DACH1: variants seen among roughly 807,000 people sequenced by gnomAD.
DACH1 encodes the protein dachshund homolog 1.
Under a neutral mutation model 54.2 loss-of-function variants are expected in DACH1, and 12 were observed. The observed-to-expected ratio is 0.22, with a 90% CI of 0.14 to 0.36. The LOEUF is 0.36. Ranked by LOEUF, DACH1 falls within the 10% of genes least tolerant of loss-of-function variation. The pLI, the probability that DACH1 is intolerant of heterozygous loss-of-function variation, is 1.00. For missense variants in DACH1, 805 were observed against 929.8 expected, an observed-to-expected ratio of 0.87 and a Z score of 1.75; for synonymous variants, 386 against 366.2, an observed-to-expected ratio of 1.05 and a Z score of -0.62.
chr13:71,746,190 C>A (rs1355895641), intron 1 of DACH1, among the ~76,000 whole-genome samples: 1 of 152,170 alleles, frequency 6.6e-6, no homozygotes, highest in East Asian at 1.9e-4. Context: ...TGCACTCCAG[C>A]CTGATGACAG....
chr13:71,544,278 G>A (rs1883325208), intron 6 of DACH1, among the ~76,000 whole-genome samples: 1 of 151,974 alleles, frequency 6.6e-6, no homozygotes, highest in African/African-American at 2.4e-5. Flanking sequence ...TGAGACACAT[G>A]ACTACTTTGA....
chr13:71,615,731 C>T (rs1227823417), intron 3 of DACH1, among the ~76,000 whole-genome samples: 2 of 151,996 alleles, frequency 1.3e-5, no homozygotes, highest in Non-Finnish European at 2.9e-5. Context: ...ATGTTGAGGG[C>T]ATGTAGAGGA....
At chr13:71,788,589 C>G (rs1886703900) in intron 1 of DACH1, among the ~76,000 whole-genome samples, 1 of 152,096 alleles carries the variant, frequency 6.6e-6, no homozygotes, top group Admixed American at 6.6e-5. Context: ...CACATACCCC[C>G]CCACACACAC....
intron 3 of DACH1, among the ~76,000 whole-genome samples, chr13:71,623,977 G>A (rs769971899): frequency 6.6e-6 from 1 of 151,828 alleles, no homozygotes; most frequent in Non-Finnish European, 1.5e-5. Flanking sequence ...ATTCAAAGCT[G>A]TTGAAAGTGA....
chr13:71,864,820 G>T (rs930912949), intron 1 of DACH1, among the ~76,000 whole-genome samples: 1 of 150,332 alleles, frequency 6.7e-6, no homozygotes, highest in Non-Finnish European at 1.5e-5. Flanking sequence ...GACCGGTCCC[G>T]CCGCCTCCTC....
intron 10 of DACH1, among the ~76,000 whole-genome samples, chr13:71,456,016 T>C (rs1454423949): frequency 6.6e-6 from 1 of 152,094 alleles, no homozygotes; most frequent in African/African-American, 2.4e-5. Context: ...AAATGTCCTA[T>C]TACAAAAAAC....
intron 1 of DACH1, among the ~76,000 whole-genome samples, chr13:71,798,182 C>T (rs1887135739): frequency 6.6e-6 from 1 of 151,686 alleles, no homozygotes; most frequent in Admixed American, 6.6e-5. Flanking sequence ...AATGTCACCT[C>T]TCCAAACACC....
intron 1 of DACH1, among the ~76,000 whole-genome samples, chr13:71,763,452 A>G (rs1388503224): frequency 6.6e-6 from 1 of 152,192 alleles, no homozygotes; most frequent in Non-Finnish European, 1.5e-5. Context: ...CTTAAAATAT[A>G]AAAGCTAAGA....
chr13:71,801,950 G>A (rs962008655), intron 1 of DACH1, among the ~76,000 whole-genome samples: 4 of 152,034 alleles, frequency 2.6e-5, no homozygotes, highest in Non-Finnish European at 1.5e-5. Flanking sequence ...AATTAAAGCT[G>A]AATTCAATTT....
rs201540658 is a variant in DACH1, at chr13:71,629,982, CT to C, written c.1126+573del. Among the ~76,000 whole-genome samples, 1,340 of 152,118 alleles carry C rather than the reference CT, an allele frequency of 8.8e-3. 9 individuals are homozygous for C. The highest frequency in any genetic ancestry group is 0.014 in the Non-Finnish European group (981 of 67,964). On this transcript the variant is annotated intron_variant, in intron 3 of 10. Transcript: ENST00000613252. ...CTTTTGGTTTGACAGTGACAGTTAA[CT>C]TTTCATCTTTCTCCATATGGTAGGA... is the stretch of plus-strand genomic sequence containing the variant.
Position 71,775,369 on chromosome 13 carries a change from C to T in DACH1, c.848+90553G>A, listed in dbSNP as rs565275866. Among the ~76,000 whole-genome samples, 7 of 151,744 alleles carry T rather than the reference C, an allele frequency of 4.6e-5. No individual in the cohort carries two copies. In the South Asian group the frequency reaches 1.2e-3, roughly 27 times the overall value. On this transcript the variant is annotated intron_variant, in intron 1 of 10. Coordinates refer to ENST00000613252, the MANE Select transcript of DACH1 (RefSeq NM_080759.6). ...CAGACAGATAACAGTTATTCTGGTG[C>T]CATGGCCATATAGACAAACCAGGTA...
At chr13:71,513,308 T>C (rs1314609436) in intron 6 of DACH1, among the ~76,000 whole-genome samples, 1 of 151,966 alleles carries the variant, frequency 6.6e-6, no homozygotes. Context: ...AGCTGAATTA[T>C]CATAAATTCC....
intron 1 of DACH1, among the ~76,000 whole-genome samples, chr13:71,777,372 A>G (rs781125531): frequency 6.6e-6 from 1 of 152,178 alleles, no homozygotes; most frequent in Non-Finnish European, 1.5e-5. Flanking sequence ...TTAAATGGGA[A>G]TAATGACATC....
intron 10 of DACH1, among the ~76,000 whole-genome samples, chr13:71,458,601 C>T (rs567896608): frequency 6.6e-6 from 1 of 151,838 alleles, no homozygotes; most frequent in Non-Finnish European, 1.5e-5. Context: ...TGAGATCTTA[C>T]AGCCAACAAA....
chr13:71,547,164 G>GA (rs996497440), intron 6 of DACH1, among the ~76,000 whole-genome samples: 80 of 152,152 alleles, frequency 5.3e-4, no homozygotes, highest in African/African-American at 1.9e-3. Flanking sequence ...ACAACTCTGG[G>GA]AGCTGGAAGA....
intron 1 of DACH1, among the ~76,000 whole-genome samples, chr13:71,785,043 CAG>C (rs1377688554): frequency 6.6e-6 from 1 of 152,072 alleles, no homozygotes; most frequent in Non-Finnish European, 1.5e-5. Context: ...AATATGCTAA[CAG>C]AGTCCTTTGA....
At chr13:71,751,599 T>C (rs1884930277) in intron 1 of DACH1, among the ~76,000 whole-genome samples, 1 of 152,208 alleles carries the variant, frequency 6.6e-6, no homozygotes, top group South Asian at 2.1e-4. Context: ...CATGTCCTGA[T>C]GTAAGATGTA....
chr13:71,559,226 T>G (rs1454020210), intron 5 of DACH1, among the ~76,000 whole-genome samples: 2 of 152,138 alleles, frequency 1.3e-5, no homozygotes, highest in Non-Finnish European at 2.9e-5. Flanking sequence ...AGCCCTACTT[T>G]CCAAATTTTA....
intron 10 of DACH1, among the ~76,000 whole-genome samples, chr13:71,461,895 T>C (rs966856543): frequency 1.3e-5 from 2 of 152,022 alleles, no homozygotes; most frequent in African/African-American, 4.8e-5. Context: ...AAATAATTAG[T>C]TCTTAATTCT....
Sources: allele counts gnomAD v4.1 joint callset (sites outside exome capture counted in the v4.1 genomes callset), GRCh38; gene constraint gnomAD v4.1.1; transcripts MANE v1.5; gene names NCBI Gene and HGNC (gene_info 2026-07-23, HGNC 2026-07-21).